Variants in PTPRD observed in about 807,000 individuals in gnomAD.
PTPRD encodes protein tyrosine phosphatase receptor type D.
PTPRD carries 34 observed loss-of-function variants against 214.5 expected under a neutral mutation model. That is an observed-to-expected ratio of 0.16 (90% CI 0.12 to 0.21). The LOEUF (loss-of-function observed/expected upper bound fraction) is 0.21. Among genes scored for constraint, PTPRD ranks in the 10% least tolerant of loss-of-function variants. The pLI, the probability that PTPRD is intolerant of heterozygous loss-of-function variation, is 1.00. For missense variants in PTPRD, 2,545 were observed against 2,398.7 expected (o/e 1.06, Z -1.27); for synonymous variants, 1,128 against 845.7 (o/e 1.33, Z -5.79).
At chr9:10,463,032 G>A (rs1462742659) in intron 2 of PTPRD, among the ~76,000 whole-genome samples, 1 of 150,968 alleles carries the variant, frequency 6.6e-6, no homozygotes, top group East Asian at 1.9e-4. Context: ...TTATCTGGGT[G>A]TGGTTATCAC....
At chr9:9,581,828 T>C (rs894971463) in intron 7 of PTPRD, among the ~76,000 whole-genome samples, 2 of 152,160 alleles carry the variant, frequency 1.3e-5, no homozygotes, top group Non-Finnish European at 2.9e-5. Context: ...CAATGGTATA[T>C]AATGCTTGTT....
chr9:9,503,608 T>C (rs1320448975), intron 8 of PTPRD, among the ~76,000 whole-genome samples: 2 of 151,926 alleles, frequency 1.3e-5, no homozygotes, highest in East Asian at 1.9e-4. Context: ...TAGGAATCAA[T>C]GGTGGTTATA....
At chr9:9,762,072 C>T (rs976043975) in intron 6 of PTPRD, among the ~76,000 whole-genome samples, 4 of 152,100 alleles carry the variant, frequency 2.6e-5, no homozygotes, top group South Asian at 2.1e-4. Flanking sequence ...TGTCCGAATC[C>T]CAAGGCTATA....
At chr9:8,538,365 G>C (rs553142354) in intron 14 of PTPRD, among the ~76,000 whole-genome samples, 24 of 151,920 alleles carry the variant, frequency 1.6e-4, no homozygotes, top group African/African-American at 5.8e-4. Flanking sequence ...AACAAGGAAA[G>C]AGACTTGGAT....
At chr9:8,491,494 G>A (rs1195931958) in intron 27 of PTPRD, among the ~76,000 whole-genome samples, 1 of 152,018 alleles carries the variant, frequency 6.6e-6, no homozygotes, top group Non-Finnish European at 1.5e-5. Flanking sequence ...ATTTATAAGT[G>A]TAGGTAAATA....
chr9:9,724,145 C>G (rs536814675), intron 7 of PTPRD, among the ~76,000 whole-genome samples: 1 of 152,216 alleles, frequency 6.6e-6, no homozygotes, highest in South Asian at 2.1e-4. Context: ...ATGTGATTGA[C>G]TTCTAGTTTC....
rs1450010538 is a variant in PTPRD at position 10,435,116 on chromosome 9, C to G, written c.-599-94099G>C. On this transcript the variant is annotated intron_variant, in intron 2 of 45. Transcript: ENST00000381196. ...ATTATTTCCTAAAGAAGGGGCATTACTGCTCCAAGGACTCGAGGAAGCCAA... is the reference window on the plus strand; with the variant it reads ...ATTATTTCCTAAAGAAGGGGCATTAGTGCTCCAAGGACTCGAGGAAGCCAA... Among the ~76,000 whole-genome samples the G allele has an allele frequency of 4.6e-5, 7 of 151,966 alleles. No homozygotes were observed. In the South Asian group the frequency reaches 6.2e-4, roughly 14 times the overall value.
intron 30 of PTPRD, among the ~76,000 whole-genome samples, chr9:8,483,307 T>A (rs1339142933): frequency 6.6e-6 from 1 of 152,250 alleles, no homozygotes; most frequent in East Asian, 1.9e-4. Context: ...TTCCTACTTT[T>A]AATACATCAG....
intron 9 of PTPRD, among the ~76,000 whole-genome samples, chr9:9,229,385 C>G (rs1179702415): frequency 6.6e-6 from 1 of 151,984 alleles, no homozygotes; most frequent in Non-Finnish European, 1.5e-5. Context: ...GAGCTGTGGC[C>G]AGGAAGAACA....
intron 14 of PTPRD, among the ~76,000 whole-genome samples, chr9:8,567,108 T>C (rs1357168591): frequency 1.3e-5 from 2 of 152,210 alleles, no homozygotes; most frequent in Non-Finnish European, 2.9e-5. Flanking sequence ...CACAATATTT[T>C]ATCAGTACGT....
intron 44 of PTPRD, among the ~76,000 whole-genome samples, chr9:8,324,332 T>C (rs1455281598): frequency 1.3e-5 from 2 of 151,668 alleles, no homozygotes; most frequent in African/African-American, 4.8e-5. Context: ...CTCCCACTTA[T>C]AAGTGAGAAT....
chr9:9,454,379 C>A (rs1248185264), intron 8 of PTPRD, among the ~76,000 whole-genome samples: 2 of 151,692 alleles, frequency 1.3e-5, no homozygotes, highest in African/African-American at 2.4e-5. Flanking sequence ...TATGAGTTGG[C>A]TCTAGCATAT....
chr9:8,709,537 AG>A (rs1322290565), intron 12 of PTPRD, among the ~76,000 whole-genome samples: 1 of 151,270 alleles, frequency 6.6e-6, no homozygotes, highest in African/African-American at 2.4e-5. Flanking sequence ...AAAAAGAAAA[AG>A]AAAAAGAAAA....
chr9:9,986,090 G>A (rs1050359885), intron 4 of PTPRD, among the ~76,000 whole-genome samples: 1 of 152,108 alleles, frequency 6.6e-6, no homozygotes, highest in Non-Finnish European at 1.5e-5. Context: ...TATTCATTAA[G>A]CAAAATTTAC....
chr9:10,260,932 ATTAT>A (rs1272951942), intron 3 of PTPRD, among the ~76,000 whole-genome samples: 1 of 150,900 alleles, frequency 6.6e-6, no homozygotes, highest in African/African-American at 2.4e-5. Context: ...AGGGAATTAT[ATTAT>A]TTAGGGCATA....
intron 9 of PTPRD, among the ~76,000 whole-genome samples, chr9:9,287,324 C>T (rs1220696024): frequency 1.3e-5 from 2 of 151,884 alleles, no homozygotes; most frequent in East Asian, 3.9e-4. Flanking sequence ...TGTCTAACTA[C>T]TATTTCATCG....
At chr9:8,610,455 C>G (rs535720535) in intron 14 of PTPRD, among the ~76,000 whole-genome samples, 3 of 152,198 alleles carry the variant, frequency 2.0e-5, no homozygotes, top group African/African-American at 7.2e-5. Context: ...TGGTGCCCAG[C>G]CCAGTGTCCC....
chr9:9,689,650 C>T (rs191916859), intron 7 of PTPRD, among the ~76,000 whole-genome samples: 53 of 151,896 alleles, frequency 3.5e-4, no homozygotes, highest in Non-Finnish European at 5.6e-4. Flanking sequence ...CTCCCCTCTA[C>T]TCTTCATGGC....
intron 10 of PTPRD, among the ~76,000 whole-genome samples, chr9:9,140,201 AAG>A (rs1554845807): frequency 6.6e-6 from 1 of 150,440 alleles, no homozygotes; most frequent in Non-Finnish European, 1.5e-5. Flanking sequence ...GAAAAAAAAA[AAG>A]AAAAAGAAAA....
Sources: gnomAD v4.1 joint callset for allele counts (sites outside exome capture counted in the v4.1 genomes callset) on GRCh38, gnomAD v4.1.1 for gene constraint, MANE v1.5 for transcripts, NCBI Gene and HGNC (gene_info 2026-07-23, HGNC 2026-07-21) for gene names.